Variants in ATL1 observed in about 807,000 individuals in gnomAD.
ATL1 encodes the protein atlastin GTPase 1, also known as atlastin-1.
In ATL1, 31 loss-of-function variants were observed where a neutral mutation model predicts 75.5. The observed-to-expected ratio is 0.41, with a 90% CI of 0.31 to 0.55. The LOEUF is 0.55. Ranked by LOEUF, ATL1 falls within the 20% of genes least tolerant of loss-of-function variation. ATL1 has a pLI of 0.27. For missense variants in ATL1, 405 were observed against 662.6 expected (o/e 0.61, Z 4.27); for synonymous variants, 226 against 233.3 (o/e 0.97, Z 0.28).
At chr14:50,625,298 CAG>C (rs1236588979) in intron 11 of ATL1, among the ~76,000 whole-genome samples, 2 of 152,132 alleles carry the variant, frequency 1.3e-5, no homozygotes, top group Non-Finnish European at 2.9e-5. Flanking sequence ...TGGAAGCTAG[CAG>C]AGGTTTTTGG....
intron 6 of ATL1, among the ~76,000 whole-genome samples, chr14:50,602,594 G>T (rs2039281205): frequency 6.6e-6 from 1 of 151,920 alleles, no homozygotes; most frequent in Non-Finnish European, 1.5e-5. Flanking sequence ...TCGACATGGT[G>T]GGTCTGTTTC....
chr14:50,539,078 T>C (rs966276170), intron 1 of ATL1, among the ~76,000 whole-genome samples: 5 of 152,250 alleles, frequency 3.3e-5, no homozygotes, highest in African/African-American at 1.2e-4. Context: ...TTAGAATTAG[T>C]CTCAGAAAAG....
chr14:50,630,251 AT>A, intron 13 of ATL1, among the ~76,000 whole-genome samples: 1 of 152,224 alleles, frequency 6.6e-6, no homozygotes, highest in Non-Finnish European at 1.5e-5. Flanking sequence ...TATCATCAGT[AT>A]TTGTTTCATG....
chr14:50,629,099 CATT>C (rs1305904712), intron 12 of ATL1, among the ~76,000 whole-genome samples: 12 of 152,166 alleles, frequency 7.9e-5, no homozygotes, highest in African/African-American at 2.4e-4. Context: ...CTTGTGTTAA[CATT>C]ATCTCATATT....
chr14:50,599,786 G>A (rs2039254868), intron 6 of ATL1, among the ~76,000 whole-genome samples: 1 of 152,130 alleles, frequency 6.6e-6, no homozygotes, highest in Admixed American at 6.5e-5. Flanking sequence ...GGAATGAATA[G>A]TTGAGGAATG....
At chr14:50,550,008 T>A (rs2038681770) in intron 1 of ATL1, among the ~76,000 whole-genome samples, 1 of 152,234 alleles carries the variant, frequency 6.6e-6, no homozygotes, top group Non-Finnish European at 1.5e-5. Flanking sequence ...CACCAGTGGA[T>A]CTGCCAAGTG....
chr14:50,557,167 T>C (rs977344036), upstream of ATL1, among the ~76,000 whole-genome samples: 1 of 152,220 alleles, frequency 6.6e-6, no homozygotes, highest in Admixed American at 6.5e-5. Flanking sequence ...TCTTTTTGAT[T>C]ATAGTCATCA....
At chr14:50,592,179 T>C (rs1176335252) in intron 4 of ATL1, among the ~76,000 whole-genome samples, 2 of 152,146 alleles carry the variant, frequency 1.3e-5, no homozygotes, top group African/African-American at 4.8e-5. Context: ...ATTTTTGAGG[T>C]TATTGTGGGC....
chr14:50,595,785 G>C (rs942910053), intron 6 of ATL1, among the ~76,000 whole-genome samples, 153 bp downstream of exon 6: 3 of 152,094 alleles, frequency 2.0e-5, no homozygotes, highest in African/African-American at 7.2e-5. Flanking sequence ...TATAGAATGA[G>C]ATGGAAATGA....
At position 50,614,490 on chromosome 14, in the gene ATL1, A is replaced by G. The variant is rs2039395993; in HGVS notation, c.841A>G (p.Asn281Asp). ...HPGLKVATNP[N>D]FDGKLKEIDD... ...TGGCTTAAAAGTAGCTACCAATCCA[A>G]ACTTTGATGGAAAATTGAAAGGTTT... The change falls in exon 8 of 14, where the codon AAC becomes GAC. Residue 281 changes from asparagine to aspartate, a missense_variant. Asn to Asp is a conservative substitution (Grantham distance 23). Around this residue, in one of 5 missense-constraint regions of ATL1, gnomAD observed 59 missense variants for 161.4 expected, o/e 0.37. Coordinates refer to ENST00000358385, the MANE Select transcript of ATL1 (RefSeq NM_015915.5). 6.2e-7 allele frequency: 1 copy of G among 1,613,832 alleles called. No individual in the cohort carries two copies. The highest frequency in any genetic ancestry group is 1.7e-5 in the Admixed American group (1 of 59,976).
upstream of ATL1, among the ~76,000 whole-genome samples, chr14:50,558,267 G>A (rs1237655529): frequency 1.3e-5 from 2 of 152,238 alleles, no homozygotes; most frequent in Non-Finnish European, 2.9e-5. Flanking sequence ...GCTGAGGCAT[G>A]AGAATCGCTT....
chr14:50,592,925 AAAAAAT>A (rs1311982633), intron 4 of ATL1, among the ~76,000 whole-genome samples: 1 of 104,604 alleles, frequency 9.6e-6, no homozygotes, highest in African/African-American at 4.7e-5. Flanking sequence ...AAAAAAAAAA[AAAAAAT>A]ATATATATAT....
At chr14:50,535,362 G>A (rs956709036) in intron 1 of ATL1, among the ~76,000 whole-genome samples, 3 of 152,216 alleles carry the variant, frequency 2.0e-5, no homozygotes, top group Non-Finnish European at 2.9e-5. Flanking sequence ...ACCTTCAAGT[G>A]TGAAAGGACA....
intron 1 of ATL1, among the ~76,000 whole-genome samples, chr14:50,576,804 A>G (rs999247597): frequency 1.3e-5 from 2 of 152,108 alleles, no homozygotes; most frequent in Non-Finnish European, 2.9e-5. Context: ...CTCGAACTCC[A>G]GAGCTCAACC....
chr14:50,599,229 A>C (rs1362563384), intron 6 of ATL1, among the ~76,000 whole-genome samples: 1 of 152,238 alleles, frequency 6.6e-6, no homozygotes, highest in African/African-American at 2.4e-5. Context: ...AAGTAACCAA[A>C]ACCTGGTTCC....
intron 8 of ATL1, among the ~76,000 whole-genome samples, chr14:50,615,645 A>G (rs1324833035): frequency 6.6e-6 from 1 of 152,240 alleles, no homozygotes. Flanking sequence ...ACAGGCTCCT[A>G]TAATTTCACT....
At chr14:50,570,902 G>A (rs185392528) in intron 1 of ATL1, among the ~76,000 whole-genome samples, 60 of 152,264 alleles carry the variant, frequency 3.9e-4, no homozygotes, top group Non-Finnish European at 1.3e-4. Flanking sequence ...ATGTCTCCAT[G>A]TCAAGGATCA....
chr14:50,572,142 GT>G, intron 1 of ATL1: 1 of 399,846 alleles, frequency 2.5e-6, no homozygotes, highest in South Asian at 2.1e-5. Flanking sequence ...TTTGCTCATG[GT>G]GTCTTTTCCG....
chr14:50,630,422 T>G (rs185841570), intron 13 of ATL1, among the ~76,000 whole-genome samples: 3 of 152,346 alleles, frequency 2.0e-5, no homozygotes, highest in Non-Finnish European at 4.4e-5. Context: ...AACTTTGGCT[T>G]TTGACTGACA....
Sources: gnomAD v4.1 joint callset for allele counts (sites outside exome capture counted in the v4.1 genomes callset) on GRCh38, gnomAD v4.1.1 for gene constraint, gnomAD v4.1.1 regional missense constraint, MANE v1.5 for transcripts, NCBI Gene and HGNC (gene_info 2026-07-23, HGNC 2026-07-21) for gene names.